Variants in GPC5 observed in about 807,000 individuals in gnomAD.
GPC5 encodes glypican 5, also known as glypican-5.
In GPC5, 47 loss-of-function variants were observed where a neutral mutation model predicts 53.9. The ratio of observed to expected loss-of-function variants is 0.87; its 90% CI spans 0.69 to 1.11. GPC5 has a LOEUF of 1.11. Among genes scored for constraint, GPC5 ranks in the 50% most tolerant of loss-of-function variants. The probability of loss-of-function intolerance (pLI) is 0.00; values close to 1 mark genes in which losing one functional copy is unlikely to be tolerated. For missense variants in GPC5, 748 were observed against 713.1 expected (o/e 1.05, Z -0.56); for synonymous variants, 286 against 263.3 (o/e 1.09, Z -0.84).
intron 7 of GPC5, among the ~76,000 whole-genome samples, chr13:92,337,990 C>T (rs944096753): frequency 1.3e-5 from 2 of 151,804 alleles, no homozygotes; most frequent in Non-Finnish European, 2.9e-5. Flanking sequence ...ACTTCTGCTC[C>T]GTGAAAGAAT....
intron 7 of GPC5, among the ~76,000 whole-genome samples, chr13:92,741,382 T>G (rs750534164): frequency 1.3e-5 from 2 of 151,950 alleles, no homozygotes; most frequent in Non-Finnish European, 2.9e-5. Flanking sequence ...TGAGCTTTCC[T>G]GGGACTCTGC....
At chr13:91,973,716 G>GTTT (rs1161646877) in intron 6 of GPC5, among the ~76,000 whole-genome samples, 1 of 152,178 alleles carries the variant, frequency 6.6e-6, no homozygotes, top group Non-Finnish European at 1.5e-5. Flanking sequence ...GTCTGTTGGA[G>GTTT]TTTGCTAGAG....
chr13:92,087,420 A>T (rs1270256587), intron 6 of GPC5, among the ~76,000 whole-genome samples: 1 of 152,198 alleles, frequency 6.6e-6, no homozygotes, highest in South Asian at 2.1e-4. Flanking sequence ...ATAAATATTT[A>T]TCATCTAAGT....
rs571603979 is a variant in GPC5, at chr13:92,163,581, A to G, written c.1561+18592A>G. Among the ~76,000 whole-genome samples, 21 of 152,068 alleles carry G rather than the reference A, an allele frequency of 1.4e-4. No homozygotes were observed. The East Asian group carries it at 4.1e-3, about 29-fold the overall frequency. On this transcript the variant is annotated intron_variant, in intron 7 of 7. Transcript: ENST00000377067. ...ACATGCAGAATATGGAGGCTATTAT[A>G]TAATTATTTGGGTTGATTCTACTTT...
intron 7 of GPC5, among the ~76,000 whole-genome samples, chr13:92,538,259 C>T (rs1274897782): frequency 6.6e-6 from 1 of 151,448 alleles, no homozygotes; most frequent in African/African-American, 2.4e-5. Context: ...CCTGATCTTC[C>T]TTCTCTCCTC....
At chr13:92,095,292 A>G (rs1193880780) in intron 6 of GPC5, among the ~76,000 whole-genome samples, 6 of 152,160 alleles carry the variant, frequency 3.9e-5, no homozygotes, top group Non-Finnish European at 7.4e-5. Context: ...TCAGTCCATA[A>G]TAGAGTTCTC....
chr13:92,459,488 T>C (rs1261710833), intron 7 of GPC5, among the ~76,000 whole-genome samples: 2 of 152,178 alleles, frequency 1.3e-5, no homozygotes, highest in African/African-American at 2.4e-5. Context: ...TTCCTTTATT[T>C]CTGACCTTGT....
At chr13:91,568,091 T>C (rs1352539989) in intron 2 of GPC5, among the ~76,000 whole-genome samples, 1 of 152,208 alleles carries the variant, frequency 6.6e-6, no homozygotes, top group African/African-American at 2.4e-5. Context: ...GCCATGATTG[T>C]ACATTTCCTG....
chr13:91,919,785 G>A (rs2039693577), intron 6 of GPC5, among the ~76,000 whole-genome samples: 1 of 152,070 alleles, frequency 6.6e-6, no homozygotes, highest in Non-Finnish European at 1.5e-5. Flanking sequence ...CAGAATAGAG[G>A]GCAGAATGAG....
chr13:91,899,789 G>A (rs1443496157), intron 5 of GPC5, among the ~76,000 whole-genome samples: 3 of 152,116 alleles, frequency 2.0e-5, no homozygotes, highest in African/African-American at 7.2e-5. Flanking sequence ...AGAAGGCCAA[G>A]GATTGCCAGG....
At chr13:91,515,570 T>C (rs1885455098) in intron 2 of GPC5, among the ~76,000 whole-genome samples, 1 of 152,242 alleles carries the variant, frequency 6.6e-6, no homozygotes, top group Non-Finnish European at 1.5e-5. Flanking sequence ...TGTAGTTTTA[T>C]CTTATTTGAA....
intron 7 of GPC5, among the ~76,000 whole-genome samples, chr13:92,552,849 G>T (rs951914528): frequency 2.0e-5 from 3 of 151,820 alleles, no homozygotes; most frequent in South Asian, 2.1e-4. Flanking sequence ...TTCTGTTCTT[G>T]CTAATTTGAA....
At chr13:92,466,382 A>G (rs1351736179) in intron 7 of GPC5, among the ~76,000 whole-genome samples, 1 of 152,046 alleles carries the variant, frequency 6.6e-6, no homozygotes, top group Admixed American at 6.6e-5. Context: ...TTAGGTATAT[A>G]AAATCACAAC....
intron 7 of GPC5, among the ~76,000 whole-genome samples, chr13:92,795,503 G>C (rs775786138): frequency 2.0e-5 from 3 of 152,156 alleles, no homozygotes; most frequent in Non-Finnish European, 4.4e-5. Context: ...AACAGCAAAA[G>C]CAATGGCAAC....
intron 7 of GPC5, among the ~76,000 whole-genome samples, chr13:92,726,942 A>C (rs1888664632): frequency 6.6e-6 from 1 of 151,588 alleles, no homozygotes. Context: ...ATTCCAAAAA[A>C]TAAAGGTGTC....
intron 2 of GPC5, among the ~76,000 whole-genome samples, chr13:91,478,075 C>T (rs775021030): frequency 2.7e-5 from 4 of 150,878 alleles, no homozygotes; most frequent in Non-Finnish European, 4.4e-5. Flanking sequence ...ATTCAGTGTT[C>T]AGAGAACCTT....
chr13:92,667,434 C>T (rs10507991), intron 7 of GPC5, among the ~76,000 whole-genome samples: 8 of 151,970 alleles, frequency 5.3e-5, no homozygotes, highest in Non-Finnish European at 1.0e-4. Flanking sequence ...CAGCAAAATA[C>T]GGTCAGAGAG....
Position 91,436,045 on chromosome 13 carries a change from A to AT in GPC5, c.164-12710dup, listed in dbSNP as rs773823304. 4.5e-4 allele frequency among the ~76,000 whole-genome samples: 68 copies of AT among 152,108 alleles called. 1 individual carries two copies. Among genetic ancestry groups the AT allele is most frequent in the Non-Finnish European group, 9.0e-4 (61 of 68,002 alleles). ...GATTGGTGGTGATATCCCCTTTATC[A>AT]TTTTTTATGTGTCTGTTAGATTCTT... On this transcript the variant is annotated intron_variant, in intron 1 of 7. Transcript: ENST00000377067.
Position 92,592,805 on chromosome 13 carries a change from G to A in GPC5, c.1562-273477G>A, listed in dbSNP as rs558904904. Reference sequence around the variant, plus strand: ...AAGTATGGCTCAATGGAGGGAGAGCGAGATGGCCTGTGTGACAGCTCCTTG... The same window carrying A: ...AAGTATGGCTCAATGGAGGGAGAGCAAGATGGCCTGTGTGACAGCTCCTTG... On this transcript the variant is annotated intron_variant, in intron 7 of 7. Coordinates refer to ENST00000377067, the MANE Select transcript of GPC5 (RefSeq NM_004466.6). Among the ~76,000 whole-genome samples, 16 of 151,346 alleles carry A rather than the reference G, an allele frequency of 1.1e-4. 2 individuals carry two copies. Among genetic ancestry groups the A allele is most frequent in the African/African-American group, 3.1e-4 (13 of 41,346 alleles).
Sources: allele counts gnomAD v4.1 joint callset (sites outside exome capture counted in the v4.1 genomes callset), GRCh38; gene constraint gnomAD v4.1.1; transcripts MANE v1.5; gene names NCBI Gene and HGNC (gene_info 2026-07-23, HGNC 2026-07-21).